The following GLIS3 variants were observed in gnomAD, a reference collection of about 807,000 sequenced individuals.
GLIS3 encodes GLIS family zinc finger 3.
GLIS3 carries 53 observed loss-of-function variants against 78.6 expected under a neutral mutation model. The observed-to-expected ratio is 0.67, with a 90% CI of 0.54 to 0.85. GLIS3 has a LOEUF of 0.85. Among genes scored for constraint, GLIS3 ranks in the 40% least tolerant of loss-of-function variants. The pLI, the probability that GLIS3 is intolerant of heterozygous loss-of-function variation, is 0.00. For synonymous variants in GLIS3, 684 were observed against 509.9 expected (o/e 1.34, Z -4.60); for missense variants, 1,703 against 1,231.1 (o/e 1.38, Z -5.74).
At chr9:4,326,338 A>C (rs10974466) in intron 2 of GLIS3, among the ~76,000 whole-genome samples, 1 of 152,122 alleles carries the variant, frequency 6.6e-6, no homozygotes. Flanking sequence ...GATAAACAAA[A>C]TGTGGTATAT....
chr9:3,873,414 A>C (rs72685616), intron 8 of GLIS3, among the ~76,000 whole-genome samples: 11,853 of 152,292 alleles, frequency 0.078, 656 homozygotes, highest in African/African-American at 0.14. Context: ...ATGATTCAAC[A>C]TATGCAAATC....
chr9:4,213,031 G>A (rs1217764155), intron 2 of GLIS3, among the ~76,000 whole-genome samples: 2 of 152,152 alleles, frequency 1.3e-5, no homozygotes, highest in Admixed American at 6.5e-5. Context: ...TGGAGAAGAG[G>A]CAGAAGCTGC....
the GLIS3 span, among the ~76,000 whole-genome samples, chr9:4,391,248 C>A: frequency 6.6e-6 from 1 of 152,130 alleles, no homozygotes; most frequent in Non-Finnish European, 1.5e-5. Flanking sequence ...ATGGGGGGTA[C>A]CTCACCTCCA....
At chr9:4,405,928 T>G in the GLIS3 span, among the ~76,000 whole-genome samples, 1 of 152,230 alleles carries the variant, frequency 6.6e-6, no homozygotes, top group Non-Finnish European at 1.5e-5. Context: ...CGTCCATCAA[T>G]GTGACACATC....
chr9:4,234,911 G>A (rs1822574807), intron 2 of GLIS3, among the ~76,000 whole-genome samples: 1 of 152,112 alleles, frequency 6.6e-6, no homozygotes, highest in Admixed American at 6.5e-5. Flanking sequence ...CCTAGAGTTG[G>A]AAGGACTCAA....
At chr9:4,398,621 C>T in the GLIS3 span, among the ~76,000 whole-genome samples, 17 of 152,006 alleles carry the variant, frequency 1.1e-4, no homozygotes, top group African/African-American at 3.6e-4. Flanking sequence ...CTCACTCACC[C>T]TCTTCCCCTG....
the GLIS3 span, among the ~76,000 whole-genome samples, chr9:4,409,331 TGTGA>T: frequency 6.6e-6 from 1 of 152,218 alleles, no homozygotes; most frequent in Non-Finnish European, 1.5e-5. Flanking sequence ...ATTGATGAGA[TGTGA>T]GTGAGGGAAA....
chr9:4,253,308 GA>G (rs1824575115), intron 2 of GLIS3, among the ~76,000 whole-genome samples: 1 of 152,248 alleles, frequency 6.6e-6, no homozygotes, highest in Non-Finnish European at 1.5e-5. Context: ...GAGATACCCA[GA>G]GAGGGGGAAT....
At chr9:4,372,013 T>C in the GLIS3 span, among the ~76,000 whole-genome samples, 2 of 152,312 alleles carry the variant, frequency 1.3e-5, no homozygotes, top group East Asian at 3.9e-4. Context: ...CCTCCATGAA[T>C]AGGTCTGGTC....
At chr9:4,346,572 A>G (rs890849249) in intron 2 of GLIS3, among the ~76,000 whole-genome samples, 5 of 152,232 alleles carry the variant, frequency 3.3e-5, no homozygotes, top group African/African-American at 1.2e-4. Flanking sequence ...ATAGAAAAAG[A>G]GCAGAATTGC....
At chr9:4,262,447 G>A (rs1825617209) in intron 2 of GLIS3, among the ~76,000 whole-genome samples, 1 of 152,010 alleles carries the variant, frequency 6.6e-6, no homozygotes, top group South Asian at 2.1e-4. Context: ...CTAAATCGGA[G>A]GTTCTCAAAT....
At chr9:4,067,667 C>A (rs568589937) in intron 4 of GLIS3, among the ~76,000 whole-genome samples, 1 of 151,930 alleles carries the variant, frequency 6.6e-6, no homozygotes, top group Non-Finnish European at 1.5e-5. Context: ...AGGGGGAACT[C>A]CAAAGACAGT....
Position 4,149,095 on chromosome 9 carries a change from G to C in GLIS3, c.389-23154C>G, listed in dbSNP as rs145463417. Among the ~76,000 whole-genome samples the C allele has an allele frequency of 7.0e-3, 1,058 of 152,194 alleles. 27 individuals carry two copies. Among genetic ancestry groups the C allele is most frequent in the Admixed American group, 0.056 (849 of 15,272 alleles). On this transcript the variant is annotated intron_variant, in intron 2 of 10. Transcript: ENST00000381971. ...CATGGTGATCATGCTTCCTCACCAA[G>C]AACTTGTACTATTACAGCTGCTACT... is the stretch of plus-strand genomic sequence containing the variant.
At chr9:4,216,462 A>G (rs949055132) in intron 2 of GLIS3, among the ~76,000 whole-genome samples, 1 of 149,852 alleles carries the variant, frequency 6.7e-6, no homozygotes, top group African/African-American at 2.5e-5. Flanking sequence ...CCTGGGTGAC[A>G]GAGCGAGACT....
chr9:4,110,815 C>A (rs958288985), intron 4 of GLIS3, among the ~76,000 whole-genome samples: 57 of 152,322 alleles, frequency 3.7e-4, no homozygotes, highest in African/African-American at 1.3e-3. Context: ...AAATAAACAT[C>A]TCTTTCCCAA....
the GLIS3 span, among the ~76,000 whole-genome samples, chr9:4,470,217 C>G: frequency 0.21 from 31,933 of 152,060 alleles, 3,399 homozygotes; most frequent in Admixed American, 0.23. Flanking sequence ...CTATTCCAAT[C>G]AATAGAAAAA....
At chr9:4,022,051 T>A (rs1369861195) in intron 4 of GLIS3, among the ~76,000 whole-genome samples, 1 of 152,210 alleles carries the variant, frequency 6.6e-6, no homozygotes, top group Non-Finnish European at 1.5e-5. Flanking sequence ...AATCCCTCCC[T>A]AAATATAAGA....
chr9:4,247,466 A>G (rs998917152), intron 2 of GLIS3, among the ~76,000 whole-genome samples: 3 of 152,268 alleles, frequency 2.0e-5, no homozygotes, highest in African/African-American at 7.2e-5. Context: ...CCTCTCATGC[A>G]CCCTGTCTCA....
the GLIS3 span, among the ~76,000 whole-genome samples, chr9:4,457,251 C>T: frequency 6.6e-6 from 1 of 151,450 alleles, no homozygotes; most frequent in Non-Finnish European, 1.5e-5. Flanking sequence ...GTCCCAGCTA[C>T]TTAGGAAGTT....
Sources: gnomAD v4.1 joint callset for allele counts (sites outside exome capture counted in the v4.1 genomes callset) on GRCh38, gnomAD v4.1.1 for gene constraint, MANE v1.5 for transcripts, NCBI Gene and HGNC (gene_info 2026-07-23, HGNC 2026-07-21) for gene names.